ABLIM3: variants seen among roughly 807,000 people sequenced by gnomAD.
The protein encoded by ABLIM3 is actin-binding LIM protein 3.
ABLIM3 carries 61 observed loss-of-function variants against 109.5 expected under a neutral mutation model. The ratio of observed to expected loss-of-function variants is 0.56; its 90% CI spans 0.45 to 0.69. ABLIM3 has a LOEUF of 0.69. Among genes scored for constraint, ABLIM3 ranks in the 30% least tolerant of loss-of-function variants. ABLIM3 has a pLI of 0.00. For synonymous variants in ABLIM3, 300 were observed against 324.8 expected (o/e 0.92, Z 0.82); for missense variants, 796 against 889.5 (o/e 0.89, Z 1.34).
chr5:149,252,256 G>A (rs201722476), intron 22 of ABLIM3, 48 bp downstream of exon 22: 1,104 of 1,603,320 alleles, frequency 6.9e-4, no homozygotes, highest in Non-Finnish European at 8.7e-4. Flanking sequence ...TCTTGGAGCC[G>A]CTACACTGGG....
intron 10 of ABLIM3, among the ~76,000 whole-genome samples, chr5:149,233,840 C>T (rs116348042): frequency 8.6e-4 from 131 of 152,298 alleles, no homozygotes; most frequent in African/African-American, 3.0e-3. Flanking sequence ...GACCCACCTC[C>T]ATGTGTCTGA....
intron 5 of ABLIM3, among the ~76,000 whole-genome samples, chr5:149,202,151 T>G (rs1758557489): frequency 6.6e-6 from 1 of 152,222 alleles, no homozygotes; most frequent in African/African-American, 2.4e-5. Flanking sequence ...TGTGTTACTG[T>G]ATGCATTTGT....
chr5:149,253,644 T>C (rs17709375), intron 23 of ABLIM3, among the ~76,000 whole-genome samples: 10,546 of 152,196 alleles, frequency 0.069, 518 homozygotes, highest in Middle Eastern at 0.2. Flanking sequence ...AAGTAGAGTT[T>C]GTGATTGAGA....
At chr5:149,146,868 G>A (rs1046980586) in intron 2 of ABLIM3, among the ~76,000 whole-genome samples, 2 of 152,174 alleles carry the variant, frequency 1.3e-5, no homozygotes, top group Admixed American at 6.5e-5. Flanking sequence ...TTGCTAGTTT[G>A]ATAGGAATAG....
chr5:149,183,637 T>A (rs1215588249), intron 3 of ABLIM3, 48 bp downstream of exon 3: 4 of 1,475,826 alleles, frequency 2.7e-6, no homozygotes, highest in Non-Finnish European at 3.6e-6. Flanking sequence ...CTGACCATTC[T>A]TGCACCATCA....
chr5:149,148,577 T>G (rs1414567858), intron 2 of ABLIM3, among the ~76,000 whole-genome samples: 3 of 152,126 alleles, frequency 2.0e-5, no homozygotes, highest in Non-Finnish European at 4.4e-5. Context: ...CCTCCTTTCA[T>G]CCATGCCAGC....
chr5:149,238,239 G>A (rs1159426153), intron 11 of ABLIM3, among the ~76,000 whole-genome samples: 26 of 152,178 alleles, frequency 1.7e-4, no homozygotes, highest in Admixed American at 1.1e-3. Context: ...TTACCCTGGA[G>A]GTCCTGGCAG....
intron 9 of ABLIM3, among the ~76,000 whole-genome samples, chr5:149,231,968 T>A (rs951152394): frequency 1.3e-5 from 2 of 152,214 alleles, no homozygotes; most frequent in Non-Finnish European, 2.9e-5. Context: ...AATAAATGTT[T>A]AAAATCCTAG....
At chr5:149,251,054 G>C (rs532373649) in intron 20 of ABLIM3, among the ~76,000 whole-genome samples, 1 of 152,314 alleles carries the variant, frequency 6.6e-6, no homozygotes, top group South Asian at 2.1e-4. Context: ...TTCATGGAAG[G>C]AGTGACTTGC....
At chr5:149,203,724 AC>A (rs1758705335) in intron 5 of ABLIM3, among the ~76,000 whole-genome samples, 2 of 151,942 alleles carry the variant, frequency 1.3e-5, no homozygotes, top group African/African-American at 4.8e-5. Context: ...CACCATCATC[AC>A]TGTCACCATC....
intron 2 of ABLIM3, among the ~76,000 whole-genome samples, chr5:149,159,521 A>G (rs1419937076): frequency 6.6e-6 from 1 of 152,204 alleles, no homozygotes; most frequent in Non-Finnish European, 1.5e-5. Flanking sequence ...AATCATGCCC[A>G]ATTTAAACAT....
intron 8 of ABLIM3, among the ~76,000 whole-genome samples, chr5:149,225,974 GTGTGTGTGTATATATATATA>G (rs1346648495): frequency 0.031 from 2,857 of 91,930 alleles, 43 homozygotes; most frequent in Non-Finnish European, 0.04. Context: ...GTGTGTGTGT[GTGTGTGTGTATATATATATA>G]TATATATATA....
At chr5:149,158,793 G>A (rs909149863) in intron 2 of ABLIM3, among the ~76,000 whole-genome samples, 5 of 152,114 alleles carry the variant, frequency 3.3e-5, no homozygotes, top group Non-Finnish European at 5.9e-5. Context: ...TTGTAAAAAT[G>A]GGCAAGAATT....
At chr5:149,249,891 A>G (rs1046691744) in intron 19 of ABLIM3, 47 bp downstream of exon 19, 8 of 1,609,826 alleles carry the variant, frequency 5.0e-6, no homozygotes, top group Admixed American at 1.7e-5. Flanking sequence ...CCCATGAGGG[A>G]CAGAGCTGTG....
chr5:149,147,826 C>A (rs1432749952), intron 2 of ABLIM3, among the ~76,000 whole-genome samples: 1 of 152,096 alleles, frequency 6.6e-6, no homozygotes, highest in African/African-American at 2.4e-5. Context: ...ATGAGGCATA[C>A]CTCAGCTGGG....
chr5:149,244,915 T>C lies in ABLIM3; in HGVS notation c.1386T>C (p.Ser462=). Residue 462 remains serine (S), a synonymous_variant, in exon 16 of 24, where the codon AGT becomes AGC. Coordinates refer to ENST00000309868, the MANE Select transcript of ABLIM3 (RefSeq NM_014945.5). ...CTACAGCAACCAAGAGCAAAACAAG[T>C]GAAGACATCAGCCAGACCTCCAAGT... ...DLSTATKSKT[S]EDISQTSKYS... 1 of 1,614,110 alleles carries C rather than the reference T, an allele frequency of 6.2e-7. No individual in the cohort carries two copies.
chr5:149,185,178 C>T (rs1756842010), intron 3 of ABLIM3, among the ~76,000 whole-genome samples: 1 of 152,152 alleles, frequency 6.6e-6, no homozygotes, highest in Non-Finnish European at 1.5e-5. Flanking sequence ...GTTCATGATT[C>T]TCTGGGTTGG....
intron 3 of ABLIM3, among the ~76,000 whole-genome samples, chr5:149,194,874 T>G (rs1319134092): frequency 2.0e-5 from 3 of 152,216 alleles, no homozygotes; most frequent in Non-Finnish European, 4.4e-5. Context: ...GGTGATGTTC[T>G]GTTTCATAAA....
chr5:149,241,850 C>T (rs1204902259), intron 14 of ABLIM3, among the ~76,000 whole-genome samples: 1 of 152,142 alleles, frequency 6.6e-6, no homozygotes, highest in African/African-American at 2.4e-5. Context: ...CATGTGACCG[C>T]AGGTCATGAC....
Sources: allele counts gnomAD v4.1 joint callset (sites outside exome capture counted in the v4.1 genomes callset), GRCh38; gene constraint gnomAD v4.1.1; transcripts MANE v1.5; gene names NCBI Gene and HGNC (gene_info 2026-07-23, HGNC 2026-07-21).